Variants in DNAH3 observed in about 807,000 individuals in gnomAD.
DNAH3 encodes the protein dynein axonemal heavy chain 3.
DNAH3 carries 332 observed loss-of-function variants against 432.5 expected under a neutral mutation model. The observed-to-expected ratio is 0.77, with a 90% CI of 0.70 to 0.84. The LOEUF (loss-of-function observed/expected upper bound fraction) is 0.84, where lower values mean the gene tolerates loss of function less well. Ranked by LOEUF, DNAH3 falls within the 40% of genes least tolerant of loss-of-function variation. The pLI is 0.00. For missense variants in DNAH3, 4,861 were observed against 5,114.0 expected, an observed-to-expected ratio of 0.95 and a Z score of 1.51; for synonymous variants, 1,956 against 1,900.2, an observed-to-expected ratio of 1.03 and a Z score of -0.76.
chr16:21,046,380 T>G (rs1034059697), intron 31 of DNAH3, among the ~76,000 whole-genome samples: 17 of 151,082 alleles, frequency 1.1e-4, no homozygotes, highest in African/African-American at 3.9e-4. Flanking sequence ...GCAAATATAT[T>G]TAGGATAGTT....
chr16:21,062,341 CA>C (rs2090387905), intron 25 of DNAH3, 140 bp downstream of exon 25: 2 of 663,566 alleles, frequency 3.0e-6, no homozygotes, highest in Non-Finnish European at 5.2e-6. Context: ...GTAACTTCCC[CA>C]AATCTTCAGT....
At chr16:21,023,039 C>T (rs1049470769) in intron 39 of DNAH3, among the ~76,000 whole-genome samples, 4 of 152,286 alleles carry the variant, frequency 2.6e-5, no homozygotes, top group African/African-American at 4.8e-5. Context: ...TGAGCCACCA[C>T]GCTCAGCCTC....
exon 34 of DNAH3, chr16:21,037,814 A>G: frequency 6.2e-7 from 1 of 1,614,184 alleles, no homozygotes; most frequent in Non-Finnish European, 8.5e-7. Context: ...ACATCAAGCA[A>G]TGCCCGGAGC....
intron 16 of DNAH3, among the ~76,000 whole-genome samples, chr16:21,099,258 A>G (rs912378696): frequency 3.3e-5 from 5 of 152,008 alleles, no homozygotes; most frequent in Non-Finnish European, 5.9e-5. Flanking sequence ...GGATGGATGG[A>G]TGGATGGATG....
At chr16:21,111,887 A>G (rs2092082812) in intron 13 of DNAH3, 83 bp from the exon 14 acceptor site, 1 of 1,563,808 alleles carries the variant, frequency 6.4e-7, no homozygotes, top group Non-Finnish European at 8.8e-7. Context: ...GGCCAACCCT[A>G]GTCCAATGCT....
chr16:21,120,760 G>A (rs756811397), exon 11 of DNAH3: 11 of 1,613,708 alleles, frequency 6.8e-6, no homozygotes, highest in South Asian at 3.3e-5. Context: ...AGTGGCAGCC[G>A]CGTGCATGCT....
intron 27 of DNAH3, among the ~76,000 whole-genome samples, chr16:21,055,851 T>C (rs2090113926): frequency 6.7e-6 from 1 of 148,838 alleles, no homozygotes; most frequent in African/African-American, 2.5e-5. Flanking sequence ...GCTCAAGCAA[T>C]CCTCCCACCT....
chr16:21,012,554 A>G (rs1231234964), intron 41 of DNAH3, among the ~76,000 whole-genome samples: 2 of 152,234 alleles, frequency 1.3e-5, no homozygotes, highest in Admixed American at 6.5e-5. Flanking sequence ...ACAGTCGGAT[A>G]CTTCAACCAC....
chr16:21,066,407 G>T (rs2090552757), intron 24 of DNAH3, among the ~76,000 whole-genome samples: 1 of 151,130 alleles, frequency 6.6e-6, no homozygotes, highest in Admixed American at 6.6e-5. Context: ...TGACTCTGTT[G>T]CCCAGGCTGG....
At chr16:21,068,711 A>G (rs969727525) in intron 23 of DNAH3, among the ~76,000 whole-genome samples, 1 of 152,236 alleles carries the variant, frequency 6.6e-6, no homozygotes, top group Non-Finnish European at 1.5e-5. Context: ...TAGGTACTGA[A>G]TAAACATTTG....
chr16:21,150,310 T>C (rs1169636989), intron 1 of DNAH3: 1 of 455,856 alleles, frequency 2.2e-6, no homozygotes, highest in Non-Finnish European at 4.4e-6. Context: ...GAGCAATCCA[T>C]GTCACCCATG....
At chr16:20,988,017 T>C (rs761290248) in exon 45 of DNAH3, 1 of 1,614,124 alleles carries the variant, frequency 6.2e-7, no homozygotes, top group Non-Finnish European at 8.5e-7. Context: ...TAAAATGTCA[T>C]CCTCAAAGGC....
intron 44 of DNAH3, among the ~76,000 whole-genome samples, chr16:20,992,341 ATTTATT>A (rs2086592499): frequency 6.6e-6 from 1 of 151,812 alleles, no homozygotes; most frequent in East Asian, 1.9e-4. Context: ...TATTTCATAT[ATTTATT>A]TTTATTTTTA....
chr16:21,105,142 C>T (rs568016991), intron 15 of DNAH3, among the ~76,000 whole-genome samples: 9 of 152,120 alleles, frequency 5.9e-5, no homozygotes, highest in Non-Finnish European at 1.0e-4. Flanking sequence ...TGAGAGTCCA[C>T]GGTGTATCCA....
At chr16:20,984,706 T>C (rs2086102778) in intron 48 of DNAH3, among the ~76,000 whole-genome samples, 1 of 151,886 alleles carries the variant, frequency 6.6e-6, no homozygotes, top group Non-Finnish European at 1.5e-5. Context: ...CCCTCTCTAC[T>C]AAAAATACAA....
At position 20,963,610 on chromosome 16, in the gene DNAH3, C is replaced by T. The variant is rs779259453; in HGVS notation, c.10274G>A (p.Arg3425His). The change falls in exon 53 of 62, where the codon CGT (arginine) becomes CAT (histidine). Residue 3425 changes from arginine (R) to histidine (H), a missense_variant. Physicochemically the swap from Arg to His is conservative, Grantham distance 29. Transcript: ENST00000261383. ...ATGCAGTTTGGGTAAGGCAGATGCA[C>T]GGACAATCTCTGCCCATGCCTTCTC... is the stretch of plus-strand genomic sequence containing the variant. 1.8e-5 allele frequency: 29 copies of T among 1,613,832 alleles called. No individual in the cohort carries two copies. The Admixed American group carries it at 2.3e-4, about 13-fold the overall frequency.
At chr16:21,136,467 G>A (rs987590421) in exon 6 of DNAH3, 1 of 1,614,128 alleles carries the variant, frequency 6.2e-7, no homozygotes, top group Non-Finnish European at 8.5e-7. Flanking sequence ...CTCCTCAGGG[G>A]CAATCATGTC....
intron 1 of DNAH3, among the ~76,000 whole-genome samples, chr16:21,148,889 C>T (rs191224538): frequency 3.5e-3 from 534 of 152,164 alleles, no homozygotes; most frequent in African/African-American, 0.012. Context: ...TTCAAGAGAT[C>T]GAGATTCTCA....
chr16:20,964,266 A>G, exon 53 of DNAH3: 1 of 1,614,174 alleles, frequency 6.2e-7, no homozygotes, highest in Non-Finnish European at 8.5e-7. Flanking sequence ...CCACGATGCC[A>G]AGGAGTTGAT....
Sources: allele counts gnomAD v4.1 joint callset (sites outside exome capture counted in the v4.1 genomes callset), GRCh38; gene constraint gnomAD v4.1.1; transcripts MANE v1.5; gene names NCBI Gene and HGNC (gene_info 2026-07-23, HGNC 2026-07-21).